Variants in MPHOSPH10 observed in about 807,000 individuals in gnomAD.
The protein encoded by MPHOSPH10 is M-phase phosphoprotein 10.
In MPHOSPH10, 33 loss-of-function variants were observed where a neutral mutation model predicts 77.3. That is an observed-to-expected ratio of 0.43 (90% confidence interval 0.32 to 0.57). MPHOSPH10 has a LOEUF of 0.57. MPHOSPH10 is among the 20% of genes least tolerant of loss of function. MPHOSPH10 has a pLI of 0.07. For missense variants in MPHOSPH10, 708 were observed against 780.1 expected (o/e 0.91, Z 1.10); for synonymous variants, 245 against 268.0 (o/e 0.91, Z 0.84).
Position 71,149,880 on chromosome 2 carries a change from C to T in MPHOSPH10, c.1911C>T (p.Asp637=), listed in dbSNP as rs1647059547. 3 of 1,548,686 alleles carry T rather than the reference C, an allele frequency of 1.9e-6. No homozygotes were observed. Among genetic ancestry groups the T allele is most frequent in the Middle Eastern group, 1.8e-4 (1 of 5,574 alleles). Residue 637 remains aspartate (D), a synonymous_variant, in exon 11 of 11, where the codon GAC becomes GAT. Coordinates refer to ENST00000244230, the MANE Select transcript of MPHOSPH10 (RefSeq NM_005791.3). ...KASFIKDEGK[D]KALKSSQAFF... ...TTTAATTGCAGGATGAAGGTAAAGA[C>T]AAGGCCTTAAAGTCCTCTCAAGCAT... is the stretch of plus-strand genomic sequence containing the variant.
chr2:71,140,303 G>A (rs754783510), intron 6 of MPHOSPH10, among the ~76,000 whole-genome samples: 14 of 152,192 alleles, frequency 9.2e-5, no homozygotes, highest in East Asian at 1.9e-4. Flanking sequence ...GTCCAAGGTC[G>A]AGGGGCCTTC....
intron 5 of MPHOSPH10, chr2:71,139,029 C>A: frequency 2.4e-6 from 1 of 422,306 alleles, no homozygotes; most frequent in Non-Finnish European, 4.3e-6. Context: ...GGCAACAGAG[C>A]GACACTCTGT....
rs1365685146 is a variant in MPHOSPH10 at position 71,138,620 on chromosome 2, C to T, written c.1229C>T (p.Ala410Val). Reference protein sequence around the residue: ...LLEETLHFDHAVRMAPVITEE... With the variant: ...LLEETLHFDHVVRMAPVITEE... The stretch of plus-strand genomic sequence containing the variant: ...GAGGAGACCCTACACTTTGACCATG[C>T]TGTCCGGATGGGTATGGTGCCCTCT... Residue 410 changes from alanine to valine, a missense_variant, in exon 5 of 11, where the codon GCT (alanine) becomes GTT (valine). Coordinates refer to ENST00000244230, the MANE Select transcript of MPHOSPH10 (RefSeq NM_005791.3). 1.2e-5 allele frequency: 20 copies of T among 1,614,104 alleles called. No homozygotes were observed. Among genetic ancestry groups the T allele is most frequent in the Non-Finnish European group, 1.6e-5 (19 of 1,180,048 alleles).
intron 9 of MPHOSPH10, 73 bp from the exon 10 acceptor site, chr2:71,149,150 C>A: frequency 7.4e-7 from 1 of 1,359,506 alleles, no homozygotes. Flanking sequence ...GGCTACCCTG[C>A]AGTTTCTTCC....
At position 71,134,747 on chromosome 2, in the gene MPHOSPH10, A is replaced by G. The variant is rs1673453473; in HGVS notation, c.1048A>G (p.Lys350Glu). Reference sequence around the variant, plus strand: ...TGAAGATACAGGTGTTTTAAATGTAAAGAAAAATTCTGATGAAGTTAAATC... The same window carrying G: ...TGAAGATACAGGTGTTTTAAATGTAGAGAAAAATTCTGATGAAGTTAAATC... ...ETEDTGVLNV[K>E]KNSDEVKSSF... Residue 350 changes from lysine (K) to glutamate (E), a missense_variant, in exon 4 of 11, where the codon AAG becomes GAG. Lys to Glu is a moderately conservative substitution (Grantham distance 56). Coordinates refer to ENST00000244230, the MANE Select transcript of MPHOSPH10 (RefSeq NM_005791.3). 4.4e-6 allele frequency: 7 copies of G among 1,607,520 alleles called. No homozygotes were observed. Among genetic ancestry groups the G allele is most frequent in the Non-Finnish European group, 5.9e-6 (7 of 1,177,228 alleles).
intron 9 of MPHOSPH10, 76 bp from the exon 10 acceptor site, chr2:71,149,147 C>A: frequency 7.4e-7 from 1 of 1,345,880 alleles, no homozygotes; most frequent in Non-Finnish European, 1.0e-6. Flanking sequence ...GCTGGCTACC[C>A]TGCAGTTTCT....
At chr2:71,136,037 A>AT (rs1280493583) in intron 4 of MPHOSPH10, among the ~76,000 whole-genome samples, 2 of 152,096 alleles carry the variant, frequency 1.3e-5, no homozygotes, top group African/African-American at 4.8e-5. Context: ...TGCTCCACAG[A>AT]TTTTTGTGAG....
At position 71,130,703 on chromosome 2, in the gene MPHOSPH10, G is replaced by C. The variant is rs1300702247; in HGVS notation, c.38G>C (p.Arg13Pro). The change falls in exon 1 of 11, where the codon CGG (arginine) becomes CCG (proline). Residue 13 changes from arginine to proline, a missense_variant. Arg to Pro is a moderately radical substitution (Grantham distance 103, BLOSUM62 -2). Around this residue, in one of 3 missense-constraint regions of MPHOSPH10, gnomAD observed 433 missense variants for 432.6 expected, o/e 1.00. Transcript: ENST00000244230. ...GTCTGGCGTCGACGGACCCTGGAGCGGTGTCTGACGGAAGTCGGCAAAGCC... is the reference window on the plus strand; with the variant it reads ...GTCTGGCGTCGACGGACCCTGGAGCCGTGTCTGACGGAAGTCGGCAAAGCC... ...PQVWRRRTLE[R>P]CLTEVGKATG... The C allele has an allele frequency of 6.2e-7, 1 of 1,610,974 alleles. No individual in the cohort carries two copies. The highest frequency in any genetic ancestry group is 1.3e-5 in the African/African-American group (1 of 74,988).
In MPHOSPH10 at chr2:71,138,606, A is replaced by G; in HGVS notation, c.1215A>G (p.Leu405=). The part of the protein sequence containing the change: ...RPENSLLEET[L]HFDHAVRMAP... ...AGAACAGCCTCCTGGAGGAGACCCT[A>G]CACTTTGACCATGCTGTCCGGATGG... Residue 405 remains leucine, a synonymous_variant, in exon 5 of 11, where the codon CTA becomes CTG. Transcript: ENST00000244230. The G allele has an allele frequency of 1.2e-6, 2 of 1,614,228 alleles. No homozygotes were observed. The highest frequency in any genetic ancestry group is 1.3e-5 in the African/African-American group (1 of 75,062).
At position 71,130,789 on chromosome 2, in the gene MPHOSPH10, G is replaced by A. The variant is rs528850346; in HGVS notation, c.89+35G>A. The stretch of plus-strand genomic sequence containing the variant: ...CAGATCCCGGGCTCGGGGTGCGACC[G>A]GGGTCTCACGTGGACGCGGGTTGCA... On this transcript the variant is annotated intron_variant, in intron 1 of 10. Coordinates refer to ENST00000244230, the MANE Select transcript of MPHOSPH10 (RefSeq NM_005791.3). 17 of 1,570,484 alleles carry A rather than the reference G, an allele frequency of 1.1e-5. No individual in the cohort carries two copies. The African/African-American group carries it at 2.3e-4, about 21-fold the overall frequency.
Position 71,144,465 on chromosome 2 carries a change from A to C in MPHOSPH10, c.1484A>C (p.Glu495Ala). The part of the protein sequence containing the change: ...TAEEENPEHV[E>A]IQKMMDSLFL... ...GAAGAAGAAAATCCAGAACATGTAG[A>C]AATTCAGAAGATGATGGATTCCCTC... is the stretch of plus-strand genomic sequence containing the variant. Residue 495 changes from glutamate to alanine, a missense_variant, in exon 8 of 11, where the codon GAA becomes GCA. Glu to Ala is a moderately radical substitution (Grantham distance 107). This residue lies in a region of MPHOSPH10 where 263 missense variants were observed against 320.0 expected (regional missense o/e 0.82). Coordinates refer to ENST00000244230, the MANE Select transcript of MPHOSPH10 (RefSeq NM_005791.3). The C allele has an allele frequency of 6.2e-7, 1 of 1,614,156 alleles. No homozygotes were observed.
intron 8 of MPHOSPH10, among the ~76,000 whole-genome samples, chr2:71,146,898 A>G (rs1673720122): frequency 6.6e-6 from 1 of 152,192 alleles, no homozygotes; most frequent in Admixed American, 6.5e-5. Flanking sequence ...TAACTGCAAT[A>G]TATAGTCACC....
intron 1 of MPHOSPH10, among the ~76,000 whole-genome samples, chr2:71,132,350 C>T (rs1223222868): frequency 2.6e-5 from 4 of 152,176 alleles, no homozygotes; most frequent in African/African-American, 4.8e-5. Flanking sequence ...CCATCAGTCT[C>T]TCCAGCTTCA....
chr2:71,138,868 C>T (rs357755), intron 5 of MPHOSPH10: 186,784 of 617,560 alleles, frequency 0.3, 28,891 homozygotes, highest in Admixed American at 0.4. Flanking sequence ...AACCCCGTCT[C>T]TACTAAAAAT....
At chr2:71,149,482 AG>A (rs1673777195) in intron 10 of MPHOSPH10, 29 bp downstream of exon 10, 1 of 1,585,414 alleles carries the variant, frequency 6.3e-7, no homozygotes, top group Non-Finnish European at 8.6e-7. Flanking sequence ...AAACTGCTCA[AG>A]GGGACCTTTG....
At chr2:71,141,421 GA>G in intron 7 of MPHOSPH10, 52 bp downstream of exon 7, 1 of 1,370,738 alleles carries the variant, frequency 7.3e-7, no homozygotes, top group Non-Finnish European at 9.5e-7. Flanking sequence ...TAGAAGTAGA[GA>G]ACTAGGCTTT....
rs749256586 is a variant in MPHOSPH10, at chr2:71,132,878, CACTT to C, written c.90-18_90-15del. 3.2e-6 allele frequency: 5 copies of C among 1,560,824 alleles called. No individual in the cohort carries two copies. The highest frequency in any genetic ancestry group is 4.3e-6 in the Non-Finnish European group (5 of 1,151,376). On this transcript the variant is annotated splice_polypyrimidine_tract_variant and intron_variant, in intron 1 of 10. Coordinates refer to ENST00000244230, the MANE Select transcript of MPHOSPH10 (RefSeq NM_005791.3). ...AATTATTACCTGTAATTCTAAATCT[CACTT>C]AATTCCTCCCAATAGGATTCAAGAG...
intron 8 of MPHOSPH10, among the ~76,000 whole-genome samples, chr2:71,146,571 C>G (rs191839720): frequency 4.3e-4 from 65 of 152,222 alleles, no homozygotes; most frequent in Non-Finnish European, 7.9e-4. Context: ...CTCCTGACCT[C>G]AAATGATCTG....
At chr2:71,140,756 A>G (rs562354162) in intron 6 of MPHOSPH10, among the ~76,000 whole-genome samples, 3 of 152,324 alleles carry the variant, frequency 2.0e-5, no homozygotes, top group African/African-American at 7.2e-5. Flanking sequence ...ACATGTGTAT[A>G]ATGTTTGCCT....
Sources: gnomAD v4.1 joint callset for allele counts (sites outside exome capture counted in the v4.1 genomes callset) on GRCh38, gnomAD v4.1.1 for gene constraint, gnomAD v4.1.1 regional missense constraint, MANE v1.5 for transcripts, NCBI Gene and HGNC (gene_info 2026-07-23, HGNC 2026-07-21) for gene names.